TWIST2: variants seen among roughly 807,000 people sequenced by gnomAD.
TWIST2 encodes the protein twist family bHLH transcription factor 2.
Under a neutral mutation model 11.6 loss-of-function variants are expected in TWIST2, and 1 was observed. The ratio of observed to expected loss-of-function variants is 0.09; its 90% CI spans 0.03 to 0.41. The LOEUF is 0.41. TWIST2 is among the 10% of genes least tolerant of loss of function. The pLI, the probability that TWIST2 is intolerant of heterozygous loss-of-function variation, is 0.98. For missense variants in TWIST2, 168 were observed against 226.4 expected (o/e 0.74, Z 1.66); for synonymous variants, 87 against 96.6 (o/e 0.90, Z 0.58).
At chr2:238,872,765 T>G (rs1317217045) in intron 1 of TWIST2, among the ~76,000 whole-genome samples, 1 of 152,178 alleles carries the variant, frequency 6.6e-6, no homozygotes, top group Admixed American at 6.5e-5. Context: ...AGGTGACCAG[T>G]GTTGTTCCCA....
intron 1 of TWIST2, among the ~76,000 whole-genome samples, chr2:238,888,984 G>C (rs1010680505): frequency 6.6e-6 from 1 of 152,188 alleles, no homozygotes; most frequent in Non-Finnish European, 1.5e-5. Context: ...ACACGCAAAT[G>C]GTTGTAAATG....
chr2:238,860,904 C>T (rs1692420978), intron 1 of TWIST2, among the ~76,000 whole-genome samples: 1 of 152,176 alleles, frequency 6.6e-6, no homozygotes, highest in East Asian at 1.9e-4. Flanking sequence ...CGCCACTGCC[C>T]TCCAGCCTGG....
intron 1 of TWIST2, among the ~76,000 whole-genome samples, chr2:238,903,077 ATGTGGGGTGTGTGC>A (rs1693297100): frequency 1.5e-5 from 1 of 66,852 alleles, no homozygotes; most frequent in South Asian, 5.6e-4. Context: ...AGTGTGTGTG[ATGTGGGGTGTGTGC>A]TGTGGGGTAT....
chr2:238,888,941 T>C (rs1268786921), intron 1 of TWIST2, among the ~76,000 whole-genome samples: 1 of 152,232 alleles, frequency 6.6e-6, no homozygotes. Context: ...AGGCTGATTC[T>C]AGCAGAGAGG....
intron 1 of TWIST2, among the ~76,000 whole-genome samples, chr2:238,903,085 T>G (rs1693297265): frequency 2.6e-5 from 3 of 117,054 alleles, no homozygotes; most frequent in African/African-American, 3.7e-5. Context: ...TGATGTGGGG[T>G]GTGTGCTGTG....
intron 1 of TWIST2, among the ~76,000 whole-genome samples, chr2:238,897,130 G>A (rs1212512232): frequency 6.6e-6 from 1 of 152,178 alleles, no homozygotes; most frequent in Non-Finnish European, 1.5e-5. Context: ...TCGTCCCACA[G>A]AAATATTCAC....
intron 1 of TWIST2, among the ~76,000 whole-genome samples, chr2:238,885,001 G>A (rs1008570818): frequency 5.9e-5 from 9 of 152,202 alleles, no homozygotes; most frequent in Non-Finnish European, 8.8e-5. Flanking sequence ...ATGTCCACAC[G>A]CTCGTGGAGA....
At chr2:238,879,509 T>TA (rs1342788414) in intron 1 of TWIST2, among the ~76,000 whole-genome samples, 2 of 152,180 alleles carry the variant, frequency 1.3e-5, no homozygotes, top group African/African-American at 4.8e-5. Flanking sequence ...CACCACTCCT[T>TA]AGGGTCACTT....
intron 1 of TWIST2, among the ~76,000 whole-genome samples, chr2:238,858,110 T>C (rs142171386): frequency 6.6e-6 from 1 of 152,336 alleles, no homozygotes; most frequent in African/African-American, 2.4e-5. Flanking sequence ...TATTGTTGAA[T>C]GTTAATTACA....
At chr2:238,850,294 T>C (rs1692221309) in intron 1 of TWIST2, among the ~76,000 whole-genome samples, 1 of 152,246 alleles carries the variant, frequency 6.6e-6, no homozygotes, top group Admixed American at 6.5e-5. Flanking sequence ...CTAGGAAAGT[T>C]TGGATTGGCT....
intron 1 of TWIST2, among the ~76,000 whole-genome samples, chr2:238,854,971 C>T (rs576026667): frequency 2.0e-5 from 3 of 152,308 alleles, no homozygotes; most frequent in South Asian, 4.1e-4. Flanking sequence ...TTGAGTGGTT[C>T]GTGTGGCCGG....
chr2:238,895,675 G>C lies in TWIST2; in HGVS notation c.*36-14167G>C, dbSNP rs1390647583. 2.0e-5 allele frequency among the ~76,000 whole-genome samples: 3 copies of C among 152,324 alleles called. No individual in the cohort carries two copies. The East Asian group carries it at 5.8e-4, about 30-fold the overall frequency. The stretch of plus-strand genomic sequence containing the variant: ...CATCGTGGGGAAACGGGAAGGTCTC[G>C]CAGAGAGGAAGAGGGTGGGGTAGAT... On this transcript the variant is annotated intron_variant, in intron 1 of 1. Coordinates refer to ENST00000612363, the MANE Select transcript of TWIST2 (RefSeq NM_001271893.4).
chr2:238,876,112 G>A (rs1458866914), intron 1 of TWIST2, among the ~76,000 whole-genome samples: 3 of 152,292 alleles, frequency 2.0e-5, no homozygotes, highest in African/African-American at 2.4e-5. Context: ...CCAGTGCACC[G>A]GTCACTGCCC....
rs1185174178 is a variant in TWIST2 at position 238,864,325 on chromosome 2, A to C, written c.*35+15592A>C. 6.6e-6 allele frequency among the ~76,000 whole-genome samples: 1 copy of C among 152,210 alleles called. No homozygotes were observed. The highest frequency in any genetic ancestry group is 2.4e-5 in the African/African-American group (1 of 41,462). On this transcript the variant is annotated intron_variant, in intron 1 of 1. Transcript: ENST00000612363. The surrounding 1 kb of genome is among the most constrained non-coding windows in gnomAD (Gnocchi z 4.7). ...AAGACACAGATGCTCACTGCTGTAGAGACATAAAGAAACCAAGAGGTTAAC... is the reference window on the plus strand; with the variant it reads ...AAGACACAGATGCTCACTGCTGTAGCGACATAAAGAAACCAAGAGGTTAAC...
intron 1 of TWIST2, among the ~76,000 whole-genome samples, chr2:238,879,515 C>T (rs1447754867): frequency 6.6e-6 from 1 of 152,214 alleles, no homozygotes; most frequent in Non-Finnish European, 1.5e-5. Context: ...TCCTTAGGGT[C>T]ACTTGTGGAG....
chr2:238,896,580 GA>G (rs1693210417), intron 1 of TWIST2, among the ~76,000 whole-genome samples: 1 of 152,138 alleles, frequency 6.6e-6, no homozygotes, highest in Non-Finnish European at 1.5e-5. Flanking sequence ...AAAAATTCCC[GA>G]GGCCCTGTAA....
chr2:238,894,015 A>G (rs1419069902), intron 1 of TWIST2, among the ~76,000 whole-genome samples: 4 of 151,914 alleles, frequency 2.6e-5, no homozygotes, highest in African/African-American at 4.8e-5. Flanking sequence ...GCCCCTAAAT[A>G]TCTGCCTCCT....
intron 1 of TWIST2, among the ~76,000 whole-genome samples, chr2:238,871,738 A>T (rs1377583411): frequency 6.7e-6 from 1 of 149,102 alleles, no homozygotes; most frequent in Non-Finnish European, 1.5e-5. Context: ...GGTTGTCTCG[A>T]TAGGGACCAT....
chr2:238,892,262 G>T (rs1391819388), intron 1 of TWIST2, among the ~76,000 whole-genome samples: 1 of 152,210 alleles, frequency 6.6e-6, no homozygotes, highest in Non-Finnish European at 1.5e-5. Flanking sequence ...GAGAGAAACA[G>T]AGGTCCAGGT....
Sources: gnomAD v4.1 joint callset for allele counts (sites outside exome capture counted in the v4.1 genomes callset) on GRCh38, gnomAD v4.1.1 for gene constraint, Gnocchi (gnomAD v3.1) non-coding constraint, MANE v1.5 for transcripts, NCBI Gene and HGNC (gene_info 2026-07-23, HGNC 2026-07-21) for gene names.